Variants in CBX5 observed in about 807,000 individuals in gnomAD.
CBX5 encodes the protein chromobox 5.
In CBX5, 7 loss-of-function variants were observed where a neutral mutation model predicts 20.7. That is an observed-to-expected ratio of 0.34 (90% CI 0.19 to 0.63). CBX5 has a LOEUF of 0.63. CBX5 is among the 30% of genes least tolerant of loss of function. The pLI, the probability that CBX5 is intolerant of heterozygous loss-of-function variation, is 0.75. For synonymous variants in CBX5, 78 were observed against 77.0 expected (o/e 1.01, Z -0.07); for missense variants, 110 against 224.1 (o/e 0.49, Z 3.25).
At position 54,267,574 on chromosome 12, in the gene CBX5, C is replaced by T. The variant is rs541837500; in HGVS notation, c.-42-9882G>A. Among the ~76,000 whole-genome samples the T allele has an allele frequency of 1.8e-4, 27 of 151,806 alleles. 1 individual carries two copies. Among genetic ancestry groups the T allele is most frequent in the Admixed American group, 1.8e-3 (27 of 15,224 alleles). On this transcript the variant is annotated intron_variant, in intron 1 of 4. Coordinates refer to ENST00000209875, the MANE Select transcript of CBX5 (RefSeq NM_012117.3). ...TCGCCCAGGCTGGAGTGCAGTGGCA[C>T]AATCTCGGCTCACTGCAAGCTCCAT...
rs564969690 is a variant in CBX5 at position 54,264,914 on chromosome 12, T to C, written c.-42-7222A>G. ...ACTGAACTACCCACTGAATTAAAGA[T>C]GGTAATCAAACCAAATGTCAAGATG... is the stretch of plus-strand genomic sequence containing the variant. On this transcript the variant is annotated intron_variant, in intron 1 of 4. Transcript: ENST00000209875. Among the ~76,000 whole-genome samples the C allele has an allele frequency of 2.2e-4, 33 of 151,822 alleles. No individual in the cohort carries two copies. In the South Asian group the frequency reaches 3.5e-3, roughly 16 times the overall value.
At position 54,236,587 on chromosome 12, in the gene CBX5, G is replaced by C. The variant is rs1473116787; in HGVS notation, c.*5168C>G. 5 of 152,178 alleles carry C rather than the reference G, an allele frequency of 3.3e-5. No homozygotes were observed. Among genetic ancestry groups the C allele is most frequent in the African/African-American group, 1.2e-4 (5 of 41,448 alleles). 9.4% of individuals were successfully genotyped at this position (152,178 alleles called of 1,614,324 possible). On this transcript the variant is annotated 3_prime_UTR_variant, in exon 5 of 5. Coordinates refer to ENST00000209875, the MANE Select transcript of CBX5 (RefSeq NM_012117.3). Reference sequence around the variant, plus strand: ...GACCTTTCCTCTCTGCCTTGCCACAGGCATGCTTGGTGGTCTGATTACAAA... The same window carrying C: ...GACCTTTCCTCTCTGCCTTGCCACACGCATGCTTGGTGGTCTGATTACAAA...
rs1943654083 is a variant in CBX5 at position 54,239,282 on chromosome 12, C to CA, written c.*2472dup. On this transcript the variant is annotated 3_prime_UTR_variant, in exon 5 of 5. Transcript: ENST00000209875. ...ATGTCTTAAATATTACCTATAACCA[C>CA]AGCAGCCACATGCCCCAGGTTTCTC... 1 of 152,218 alleles carries CA rather than the reference C, an allele frequency of 6.6e-6. No individual in the cohort carries two copies. Among genetic ancestry groups the CA allele is most frequent in the Admixed American group, 6.5e-5 (1 of 15,288 alleles). The allele number at this position is 152,218 out of a possible 1,614,324, so 9.4% of individuals were successfully genotyped here.
At chr12:54,277,395 G>A (rs1944080160) in intron 1 of CBX5, among the ~76,000 whole-genome samples, 1 of 152,110 alleles carries the variant, frequency 6.6e-6, no homozygotes, top group Non-Finnish European at 1.5e-5. Flanking sequence ...AGTAGAGACG[G>A]GGTTTCACGA....
chr12:54,249,722 AAAAG>A (rs1943773942), intron 3 of CBX5, among the ~76,000 whole-genome samples: 1 of 152,048 alleles, frequency 6.6e-6, no homozygotes, highest in Non-Finnish European at 1.5e-5. Context: ...CACACAGATG[AAAAG>A]AGAGAGAGGC....
At chr12:54,246,005 A>G (rs1231116013) in intron 4 of CBX5, 110 bp downstream of exon 4, 3 of 776,238 alleles carry the variant, frequency 3.9e-6, no homozygotes, top group South Asian at 1.5e-5. Flanking sequence ...GATCTCTGAC[A>G]TTCAAAATTC....
rs1411668363 is a variant in CBX5, at chr12:54,233,909, G to A, written c.*7846C>T. The A allele has an allele frequency of 2.0e-5, 3 of 152,082 alleles. No individual in the cohort carries two copies. Among genetic ancestry groups the A allele is most frequent in the Non-Finnish European group, 4.4e-5 (3 of 68,100 alleles). The allele number at this position is 152,082 out of a possible 1,614,324, so 9.4% of individuals were successfully genotyped here. On this transcript the variant is annotated 3_prime_UTR_variant, in exon 5 of 5. Coordinates refer to ENST00000209875, the MANE Select transcript of CBX5 (RefSeq NM_012117.3). ...GCTGTAATAAAGATACTGTGGCCGG[G>A]TGCTGGCTCACGCCTGCAATCCCAG...
At chr12:54,268,687 A>G (rs1359675272) in intron 1 of CBX5, among the ~76,000 whole-genome samples, 2 of 152,216 alleles carry the variant, frequency 1.3e-5, no homozygotes, top group Non-Finnish European at 2.9e-5. Context: ...TAAGGCGAGG[A>G]TTTTTGAAGT....
intron 1 of CBX5, among the ~76,000 whole-genome samples, chr12:54,277,990 AG>A (rs1944087353): frequency 6.6e-6 from 1 of 152,190 alleles, no homozygotes; most frequent in Non-Finnish European, 1.5e-5. Context: ...CTGGGACTAC[AG>A]GAACACGAAA....
intron 1 of CBX5, among the ~76,000 whole-genome samples, chr12:54,263,303 G>T (rs1329755156): frequency 6.6e-6 from 1 of 152,164 alleles, no homozygotes; most frequent in Non-Finnish European, 1.5e-5. Context: ...GGAGGTTGCA[G>T]TGAGCCGAGA....
rs1336624807 is a variant in CBX5 at position 54,238,677 on chromosome 12, A to C, written c.*3078T>G. On this transcript the variant is annotated 3_prime_UTR_variant, in exon 5 of 5. Coordinates refer to ENST00000209875, the MANE Select transcript of CBX5 (RefSeq NM_012117.3). ...AGGTTTAAAATGGGTGCTCCCATGT[A>C]GGCTGATTTTCCCGGCATTTGATCT... 1 of 152,234 alleles carries C rather than the reference A, an allele frequency of 6.6e-6. No homozygotes were observed. The highest frequency in any genetic ancestry group is 1.5e-5 in the Non-Finnish European group (1 of 68,042). 9.4% of individuals were successfully genotyped at this position (152,234 alleles called of 1,614,324 possible).
At chr12:54,252,979 C>CAAAA (rs757909869) in intron 2 of CBX5, among the ~76,000 whole-genome samples, 1 of 47,236 alleles carries the variant, frequency 2.1e-5, no homozygotes. Context: ...GACTCTGTCT[C>CAAAA]AAAAAAAAAA....
intron 1 of CBX5, among the ~76,000 whole-genome samples, chr12:54,266,823 C>A (rs1943961602): frequency 6.6e-6 from 1 of 152,052 alleles, no homozygotes; most frequent in Admixed American, 6.6e-5. Flanking sequence ...CACTCAATTT[C>A]TTCTCTCAAC....
chr12:54,242,382 G>A (rs752119288), intron 4 of CBX5, among the ~76,000 whole-genome samples: 1 of 151,964 alleles, frequency 6.6e-6, no homozygotes, highest in Non-Finnish European at 1.5e-5. Flanking sequence ...AAAATTAGCC[G>A]GGCGTGGTGG....
At position 54,232,716 on chromosome 12, in the gene CBX5, G is replaced by A. The variant is rs1430855518; in HGVS notation, c.*9039C>T. 1 of 151,754 alleles carries A rather than the reference G, an allele frequency of 6.6e-6. No homozygotes were observed. Among genetic ancestry groups the A allele is most frequent in the Non-Finnish European group, 1.5e-5 (1 of 67,954 alleles). The allele number at this position is 151,754 out of a possible 1,614,324, so 9.4% of individuals were successfully genotyped here. Reference sequence around the variant, plus strand: ...TAACTGAGGGCCTATTATTTATCTAGTATAATGTGAGGAATCTTGGAAAAA... The same window carrying A: ...TAACTGAGGGCCTATTATTTATCTAATATAATGTGAGGAATCTTGGAAAAA... On this transcript the variant is annotated 3_prime_UTR_variant, in exon 5 of 5. Coordinates refer to ENST00000209875, the MANE Select transcript of CBX5 (RefSeq NM_012117.3).
rs1250530231 is a variant in CBX5, at chr12:54,238,638, T to A, written c.*3117A>T. The A allele has an allele frequency of 1.3e-5, 2 of 152,224 alleles. No homozygotes were observed. Among genetic ancestry groups the A allele is most frequent in the Non-Finnish European group, 2.9e-5 (2 of 68,032 alleles). 9.4% of individuals were successfully genotyped at this position (152,224 alleles called of 1,614,324 possible). ...AGATTGTTATTTGAAGAAGAAAACA[T>A]CATGGTTCTCTCCAGGTTTAAAATG... is the stretch of plus-strand genomic sequence containing the variant. On this transcript the variant is annotated 3_prime_UTR_variant, in exon 5 of 5. Transcript: ENST00000209875.
chr12:54,257,780 C>CT lies in CBX5; in HGVS notation c.-42-89dup. 3 of 916,500 alleles carry CT rather than the reference C, an allele frequency of 3.3e-6. No homozygotes were observed. The Admixed American group carries it at 7.0e-5, about 21-fold the overall frequency. 56.8% of individuals were successfully genotyped at this position (916,500 alleles called of 1,614,324 possible). On this transcript the variant is annotated intron_variant, in intron 1 of 4. Coordinates refer to ENST00000209875, the MANE Select transcript of CBX5 (RefSeq NM_012117.3). ...TTGATGGGATGAAAAGGGGATAACACTGAGTTGCCATGTGCCCTGCTCTTG... is the reference window on the plus strand; with the variant it reads ...TTGATGGGATGAAAAGGGGATAACACTTGAGTTGCCATGTGCCCTGCTCTTG...
In CBX5 at chr12:54,240,306, A is replaced by T. The variant is rs1465985597; in HGVS notation, c.*1449T>A. 2 of 152,244 alleles carry T rather than the reference A, an allele frequency of 1.3e-5. No homozygotes were observed. The highest frequency in any genetic ancestry group is 2.9e-5 in the Non-Finnish European group (2 of 68,046). 9.4% of individuals were successfully genotyped at this position (152,244 alleles called of 1,614,324 possible). A position where few individuals can be genotyped will look rare whatever the true frequency, so the allele number is the denominator to read the frequency against. On this transcript the variant is annotated 3_prime_UTR_variant, in exon 5 of 5. Coordinates refer to ENST00000209875, the MANE Select transcript of CBX5 (RefSeq NM_012117.3). ...GAAACCAAAACGAAGTATTTTGCTGAGTAAGAAGAAAAGGGTGTGTCAACA... is the reference window on the plus strand; with the variant it reads ...GAAACCAAAACGAAGTATTTTGCTGTGTAAGAAGAAAAGGGTGTGTCAACA...
chr12:54,266,831 A>C (rs1943961748), intron 1 of CBX5, among the ~76,000 whole-genome samples: 1 of 152,092 alleles, frequency 6.6e-6, no homozygotes. Flanking sequence ...TTCTTCTCTC[A>C]ACTATCAGTT....
Sources: allele counts gnomAD v4.1 joint callset (sites outside exome capture counted in the v4.1 genomes callset), GRCh38; gene constraint gnomAD v4.1.1; transcripts MANE v1.5; gene names NCBI Gene and HGNC (gene_info 2026-07-23, HGNC 2026-07-21).